The following SGCD variants were observed in gnomAD, a reference collection of about 807,000 sequenced individuals.
SGCD encodes the protein delta-sarcoglycan.
SGCD carries 18 observed loss-of-function variants against 36.6 expected under a neutral mutation model. The ratio of observed to expected loss-of-function variants is 0.49; its 90% confidence interval spans 0.34 to 0.73. The LOEUF is 0.73. Ranked by LOEUF, SGCD falls within the 30% of genes least tolerant of loss-of-function variation. The pLI is 0.01. For synonymous variants in SGCD, 133 were observed against 130.6 expected (o/e 1.02, Z -0.12); for missense variants, 387 against 346.7 (o/e 1.12, Z -0.92).
At chr5:155,762,317 A>G in the SGCD span, among the ~76,000 whole-genome samples, 10 of 152,174 alleles carry the variant, frequency 6.6e-5, no homozygotes, top group Admixed American at 1.3e-4. Context: ...CAGCTGAATG[A>G]AATTATGGTT....
At chr5:155,864,528 A>C in the SGCD span, among the ~76,000 whole-genome samples, 2 of 152,180 alleles carry the variant, frequency 1.3e-5, no homozygotes, top group Non-Finnish European at 2.9e-5. Flanking sequence ...AGGTTATTGA[A>C]ATGATTTAAA....
intron 1 of SGCD, among the ~76,000 whole-genome samples, chr5:156,071,234 T>A (rs1471524116): frequency 6.6e-6 from 1 of 152,208 alleles, no homozygotes; most frequent in Non-Finnish European, 1.5e-5. Context: ...GGGTGTCAAT[T>A]TTGGATCTTT....
chr5:155,886,985 A>G (rs775795378), intron 1 of SGCD, among the ~76,000 whole-genome samples: 2 of 152,174 alleles, frequency 1.3e-5, no homozygotes, highest in Non-Finnish European at 2.9e-5. Context: ...TTTCTCTGCC[A>G]TCTGAAACCT....
At chr5:155,985,501 C>T (rs190537411) in intron 1 of SGCD, among the ~76,000 whole-genome samples, 8 of 152,266 alleles carry the variant, frequency 5.3e-5, no homozygotes, top group Admixed American at 5.2e-4. Flanking sequence ...CAGGATACTC[C>T]ATGATAATCT....
chr5:156,105,831 G>A (rs1761631984), intron 1 of SGCD, among the ~76,000 whole-genome samples: 2 of 151,940 alleles, frequency 1.3e-5, no homozygotes, highest in South Asian at 2.1e-4. Context: ...AAGCAGGAGA[G>A]GCTGGTTGCG....
intron 7 of SGCD, among the ~76,000 whole-genome samples, chr5:156,681,484 G>A (rs1167145593): frequency 3.9e-5 from 6 of 152,192 alleles, no homozygotes; most frequent in Admixed American, 3.9e-4. Flanking sequence ...CAGGCCAAAA[G>A]CAGTATTTGG....
chr5:155,790,505 A>T, the SGCD span, among the ~76,000 whole-genome samples: 1 of 152,220 alleles, frequency 6.6e-6, no homozygotes, highest in Non-Finnish European at 1.5e-5. Flanking sequence ...TAAGAATTTT[A>T]TAAATATGAC....
chr5:156,524,465 G>A (rs1757565804), intron 4 of SGCD, among the ~76,000 whole-genome samples: 1 of 150,382 alleles, frequency 6.6e-6, no homozygotes, highest in East Asian at 2.0e-4. Context: ...TAATTGACAG[G>A]TAAAAATTGT....
At chr5:156,484,684 G>C (rs1353611507) in intron 3 of SGCD, among the ~76,000 whole-genome samples, 2 of 151,934 alleles carry the variant, frequency 1.3e-5, no homozygotes, top group African/African-American at 4.8e-5. Context: ...TATTAGTCAT[G>C]GTTACAATAT....
chr5:156,648,082 C>G (rs144409699), intron 7 of SGCD, among the ~76,000 whole-genome samples: 2 of 152,200 alleles, frequency 1.3e-5, no homozygotes, highest in East Asian at 1.9e-4. Context: ...AAGGAAAACA[C>G]AAAAGAACAG....
chr5:156,096,700 C>A (rs1383904903), intron 1 of SGCD, among the ~76,000 whole-genome samples: 1 of 151,940 alleles, frequency 6.6e-6, no homozygotes, highest in Non-Finnish European at 1.5e-5. Flanking sequence ...AAACATTGTG[C>A]CTGGTGGAAG....
chr5:155,949,695 A>G (rs1757514487), intron 1 of SGCD, among the ~76,000 whole-genome samples: 1 of 152,206 alleles, frequency 6.6e-6, no homozygotes, highest in Non-Finnish European at 1.5e-5. Flanking sequence ...GTTTTATTGG[A>G]ACATGGCCAC....
intron 3 of SGCD, among the ~76,000 whole-genome samples, chr5:156,208,199 C>G (rs995392619): frequency 7.2e-5 from 11 of 152,180 alleles, no homozygotes; most frequent in African/African-American, 2.4e-4. Flanking sequence ...AACTTGAAGA[C>G]AGTCAGTCTG....
At chr5:156,278,396 T>G (rs184229541) in intron 3 of SGCD, among the ~76,000 whole-genome samples, 1 of 152,230 alleles carries the variant, frequency 6.6e-6, no homozygotes, top group Non-Finnish European at 1.5e-5. Flanking sequence ...GAAACAAGGA[T>G]GGACACAAGG....
At chr5:156,252,216 T>A (rs1179720136) in intron 3 of SGCD, among the ~76,000 whole-genome samples, 1 of 152,020 alleles carries the variant, frequency 6.6e-6, no homozygotes, top group Admixed American at 6.6e-5. Context: ...CTCCTGGGAT[T>A]ACAGGTATGT....
chr5:155,818,614 G>A, the SGCD span, among the ~76,000 whole-genome samples: 1 of 152,158 alleles, frequency 6.6e-6, no homozygotes, highest in Non-Finnish European at 1.5e-5. Context: ...TCAACCTCCT[G>A]GGCCCAAGTG....
chr5:156,551,845 T>G (rs1274186811), intron 4 of SGCD, among the ~76,000 whole-genome samples: 10 of 152,120 alleles, frequency 6.6e-5, no homozygotes, highest in Non-Finnish European at 2.9e-5. Context: ...CATTCTCTCA[T>G]TTTGCTTTTA....
the SGCD span, among the ~76,000 whole-genome samples, chr5:155,796,806 C>CAAAAAAAAAAAAAAAAAAAAAAA: frequency 5.8e-4 from 30 of 51,314 alleles, 2 homozygotes; most frequent in African/African-American, 1.4e-3. Context: ...AACTCCATCT[C>CAAAAAAAAAAAAAAAAAAAAAAA]AAAAAAAAAA....
intron 1 of SGCD, among the ~76,000 whole-genome samples, chr5:156,009,377 A>G (rs1758813728): frequency 6.6e-6 from 1 of 152,098 alleles, no homozygotes; most frequent in Non-Finnish European, 1.5e-5. Flanking sequence ...CCTCTACCAT[A>G]TACATACCTA....
Sources: allele counts gnomAD v4.1 joint callset (sites outside exome capture counted in the v4.1 genomes callset), GRCh38; gene constraint gnomAD v4.1.1; transcripts MANE v1.5; gene names NCBI Gene and HGNC (gene_info 2026-07-23, HGNC 2026-07-21).